CHRNA2: variants seen among roughly 807,000 people sequenced by gnomAD.
CHRNA2 encodes cholinergic receptor nicotinic alpha 2 subunit.
CHRNA2 carries 40 observed loss-of-function variants against 45.5 expected under a neutral mutation model. The ratio of observed to expected loss-of-function variants is 0.88; its 90% confidence interval spans 0.68 to 1.15. The LOEUF is 1.15. CHRNA2 is among the 50% of genes most tolerant of loss of function. The probability of loss-of-function intolerance (pLI) is 0.00; values close to 1 mark genes in which losing one functional copy is unlikely to be tolerated. For synonymous variants in CHRNA2, 301 were observed against 296.7 expected (o/e 1.01, Z -0.15); for missense variants, 655 against 701.7 (o/e 0.93, Z 0.75).
rs923597649 is a variant in CHRNA2 at position 27,471,172 on chromosome 8, G to A, written c.-114C>T. 27 of 1,030,516 alleles carry A rather than the reference G, an allele frequency of 2.6e-5. No individual in the cohort carries two copies. The highest frequency in any genetic ancestry group is 1.3e-4 in the East Asian group (5 of 38,724). 63.8% of individuals were successfully genotyped at this position (1,030,516 alleles called of 1,614,324 possible). A position where few individuals can be genotyped will look rare whatever the true frequency, so the allele number is the denominator to read the frequency against. On this transcript the variant is annotated 5_prime_UTR_variant, in exon 2 of 7. Transcript: ENST00000407991. ...CTGTGAGGATTCTGCTGGATTCTGC[G>A]AGGCTTCCTCTCACCACCGAACCTG...
chr8:27,464,151 C>T (rs1225085929), intron 5 of CHRNA2, among the ~76,000 whole-genome samples, 158 bp from the exon 6 acceptor site: 1 of 152,158 alleles, frequency 6.6e-6, no homozygotes, highest in Non-Finnish European at 1.5e-5. Context: ...CCCCGGCATG[C>T]ACATTTATAG....
At position 27,463,131 on chromosome 8, in the gene CHRNA2, T is replaced by TGCAGAGGGTGCCC. The variant is rs2132650645; in HGVS notation, c.1299_1311dup (p.Ser438GlyfsTer19). The TGCAGAGGGTGCCC allele has an allele frequency of 5.0e-6, 8 of 1,606,000 alleles. No homozygotes were observed. The highest frequency in any genetic ancestry group is 3.4e-6 in the Non-Finnish European group (4 of 1,173,400). On this transcript the variant is annotated frameshift_variant, in exon 6 of 7. Transcript: ENST00000407991. LOFTEE classifies it high-confidence loss of function. This position sits in a 1 kb window ranked among gnomAD's most constrained non-coding sequence, Gnocchi z 6.1. ...GCCCCAGAGTGCAGGTGGCCGTGGC[T>TGCAGAGGGTGCCC]GCAGAGGGTGCCCACAGAGGGGGCC...
Position 27,460,906 on chromosome 8 carries a change from T to G in CHRNA2, c.*723A>C, listed in dbSNP as rs1812458478. The G allele has an allele frequency of 6.6e-6, 1 of 152,304 alleles. No homozygotes were observed. The highest frequency in any genetic ancestry group is 6.5e-5 in the Admixed American group (1 of 15,284). 9.4% of individuals were successfully genotyped at this position (152,304 alleles called of 1,614,324 possible). ...GAGAAGCCTGGAGGCTCAAATGTGC[T>G]TCCAGATGGATGGAATAGCCCAGCC... is the stretch of plus-strand genomic sequence containing the variant. On this transcript the variant is annotated 3_prime_UTR_variant, in exon 7 of 7. Transcript: ENST00000407991.
chr8:27,470,433 G>T (rs1461163496), intron 2 of CHRNA2, among the ~76,000 whole-genome samples: 1 of 152,190 alleles, frequency 6.6e-6, no homozygotes, highest in Non-Finnish European at 1.5e-5. Flanking sequence ...CAGGGAAATG[G>T]ACCGCTTTGG....
At position 27,463,708 on chromosome 8, in the gene CHRNA2, G is replaced by T. The variant is rs775595773; in HGVS notation, c.735C>A (p.Tyr245Ter). Residue 245 changes from tyrosine to a stop codon, truncating the protein, a stop_gained, in exon 6 of 7, where the codon TAC becomes TAA. Coordinates refer to ENST00000407991, the MANE Select transcript of CHRNA2 (RefSeq NM_000742.4). LOFTEE classifies it high-confidence loss of function. This position sits in a 1 kb window ranked among gnomAD's most constrained non-coding sequence, Gnocchi z 6.1. ...NATGTYNSKK[Y>*]DCCAEIYPDV... ...CGGGGTAGATCTCGGCGCAGCAGTC[G>T]TACTTCTTGCTGTTGTAGGTGCCCG... 2 of 1,590,468 alleles carry T rather than the reference G, an allele frequency of 1.3e-6. No individual in the cohort carries two copies. Among genetic ancestry groups the T allele is most frequent in the Non-Finnish European group, 1.7e-6 (2 of 1,170,230 alleles).
rs149934219 is a variant in CHRNA2 at position 27,471,014 on chromosome 8, G to A, written c.45C>T (p.Ser15=). 238 of 1,614,006 alleles carry A rather than the reference G, an allele frequency of 1.5e-4. No individual in the cohort carries two copies. Among genetic ancestry groups the A allele is most frequent in the Non-Finnish European group, 1.7e-4 (205 of 1,180,008 alleles). The change falls in exon 2 of 7, where the codon AGC becomes AGT. Residue 15 remains serine, a synonymous_variant. Coordinates refer to ENST00000407991, the MANE Select transcript of CHRNA2 (RefSeq NM_000742.4). ...CTGGGGTCAGAAGGAGCCACCACAG[G>A]CTGAGCTTTGTGAAGGACAGGAACA... is the stretch of plus-strand genomic sequence containing the variant. ...CPVFLSFTKL[S]LWWLLLTPAG...
chr8:27,469,665 G>A (rs371304320), intron 3 of CHRNA2, 96 bp downstream of exon 3: 131 of 1,469,108 alleles, frequency 8.9e-5, no homozygotes, highest in South Asian at 6.2e-4. Flanking sequence ...ACTGCTGTGC[G>A]TGAGGGCAGG....
chr8:27,474,959 T>A (rs376199991), intron 1 of CHRNA2, among the ~76,000 whole-genome samples: 4 of 152,198 alleles, frequency 2.6e-5, no homozygotes, highest in African/African-American at 9.7e-5. Flanking sequence ...CTAACTGATT[T>A]CCAGAGACAG....
In CHRNA2 at chr8:27,471,149, G is replaced by T; in HGVS notation, c.-91C>A. The T allele has an allele frequency of 8.0e-7, 1 of 1,250,072 alleles. No homozygotes were observed. Among genetic ancestry groups the T allele is most frequent in the Non-Finnish European group, 1.2e-6 (1 of 859,982 alleles). The allele number at this position is 1,250,072 out of a possible 1,614,324, so 77.4% of individuals were successfully genotyped here. ...CCCAGCAGAGCTGCTGCTGGATTCTGTGAGGATTCTGCTGGATTCTGCGAG... is the reference window on the plus strand; with the variant it reads ...CCCAGCAGAGCTGCTGCTGGATTCTTTGAGGATTCTGCTGGATTCTGCGAG... On this transcript the variant is annotated 5_prime_UTR_variant, in exon 2 of 7. Transcript: ENST00000407991.
At chr8:27,473,928 C>T (rs1430153191) in intron 1 of CHRNA2, among the ~76,000 whole-genome samples, 1 of 152,162 alleles carries the variant, frequency 6.6e-6, no homozygotes, top group Admixed American at 6.5e-5. Context: ...GCAGGGCTGG[C>T]ACTGGCAAAT....
At chr8:27,472,080 G>T (rs962667991) in intron 1 of CHRNA2, among the ~76,000 whole-genome samples, 1 of 152,212 alleles carries the variant, frequency 6.6e-6, no homozygotes, top group Non-Finnish European at 1.5e-5. Flanking sequence ...GCAGAACATT[G>T]GAGGTTCCTG....
At chr8:27,467,624 G>A (rs563407376) in intron 4 of CHRNA2, 4 of 414,172 alleles carry the variant, frequency 9.7e-6, no homozygotes, top group Middle Eastern at 6.7e-4. Flanking sequence ...CTGGCTGGAC[G>A]ACCTTGGTGG....
rs553389652 is a variant in CHRNA2, at chr8:27,473,941, C to G, written c.-136-2747G>C. On this transcript the variant is annotated intron_variant, in intron 1 of 6. Coordinates refer to ENST00000407991, the MANE Select transcript of CHRNA2 (RefSeq NM_000742.4). ...GAGCAGGGCTGGCACTGGCAAATGT[C>G]GCTTTGAGTCCTGGCCCCACCACTG... is the stretch of plus-strand genomic sequence containing the variant. Among the ~76,000 whole-genome samples, 3 of 152,180 alleles carry G rather than the reference C, an allele frequency of 2.0e-5. No homozygotes were observed. The South Asian group carries it at 6.2e-4, about 31-fold the overall frequency.
At chr8:27,462,636 T>C (rs963568559) in intron 6 of CHRNA2, among the ~76,000 whole-genome samples, 5 of 152,200 alleles carry the variant, frequency 3.3e-5, no homozygotes, top group Non-Finnish European at 7.4e-5. Context: ...ATGCTCCCCC[T>C]GCCTGCCGCC....
intron 5 of CHRNA2, among the ~76,000 whole-genome samples, chr8:27,464,467 A>T (rs1812635564): frequency 6.6e-6 from 1 of 152,130 alleles, no homozygotes; most frequent in Non-Finnish European, 1.5e-5. Flanking sequence ...GGAGAAGGAG[A>T]TAGCATTCAA....
Position 27,461,723 on chromosome 8 carries a change from A to C in CHRNA2, c.1496T>G (p.Val499Gly). The C allele has an allele frequency of 1.2e-6, 2 of 1,614,196 alleles. No homozygotes were observed. Among genetic ancestry groups the C allele is most frequent in the Non-Finnish European group, 1.7e-6 (2 of 1,180,022 alleles). Residue 499 changes from valine (V) to glycine (G), a missense_variant, in exon 7 of 7, where the codon GTC (valine) becomes GGC (glycine). Physicochemically the swap from Val to Gly is moderately radical, Grantham distance 109. Coordinates refer to ENST00000407991, the MANE Select transcript of CHRNA2 (RefSeq NM_000742.4). Reference sequence around the variant, plus strand: ...CAGCCAGAGGAAGATCCTGTCGATGACCATGGCAACATACTTCCAGTCCTC... The same window carrying C: ...CAGCCAGAGGAAGATCCTGTCGATGCCCATGGCAACATACTTCCAGTCCTC... ...VKEDWKYVAM[V>G]IDRIFLWLFI...
intron 4 of CHRNA2, among the ~76,000 whole-genome samples, chr8:27,469,051 C>T (rs899815306): frequency 6.6e-6 from 1 of 152,156 alleles, no homozygotes; most frequent in Admixed American, 6.5e-5. Context: ...GGGAGGATTC[C>T]GAAGTAGCAG....
At position 27,463,542 on chromosome 8, in the gene CHRNA2, T is replaced by C; in HGVS notation, c.901A>G (p.Ile301Val). The change falls in exon 6 of 7, where the codon ATT becomes GTT. Residue 301 changes from isoleucine to valine, a missense_variant. By Grantham distance (29) the Ile-to-Val change is conservative. Transcript: ENST00000407991. This position sits in a 1 kb window ranked among gnomAD's most constrained non-coding sequence, Gnocchi z 6.1. ...ACGGTGAGTGACAGCAGCACCGAAA[T>C]GCACAGCGTGATCTTCTCGCCGCAG... Reference protein sequence around the residue: ...SDCGEKITLCISVLLSLTVFL... With the variant: ...SDCGEKITLCVSVLLSLTVFL... The C allele has an allele frequency of 6.2e-7, 1 of 1,614,090 alleles. No individual in the cohort carries two copies. Among genetic ancestry groups the C allele is most frequent in the Non-Finnish European group, 8.5e-7 (1 of 1,180,010 alleles).
At chr8:27,470,697 C>T (rs1024921782) in intron 2 of CHRNA2, among the ~76,000 whole-genome samples, 1 of 152,224 alleles carries the variant, frequency 6.6e-6, no homozygotes. Context: ...ATTCTGGTCA[C>T]AAACTTGCGT....
Sources: allele counts gnomAD v4.1 joint callset (sites outside exome capture counted in the v4.1 genomes callset), GRCh38; gene constraint gnomAD v4.1.1; non-coding constraint Gnocchi (gnomAD v3.1); transcripts MANE v1.5; gene names NCBI Gene and HGNC (gene_info 2026-07-23, HGNC 2026-07-21).